The following PCDHGA4 variants were observed in gnomAD, a reference collection of about 807,000 sequenced individuals.
The protein encoded by PCDHGA4 is protocadherin gamma-A4.
PCDHGA4 carries 38 observed loss-of-function variants against 54.6 expected under a neutral mutation model. That is an observed-to-expected ratio of 0.70 (90% CI 0.54 to 0.91). The LOEUF (loss-of-function observed/expected upper bound fraction) is 0.91, where lower values mean the gene tolerates loss of function less well. Ranked by LOEUF, PCDHGA4 falls within the 40% of genes least tolerant of loss-of-function variation. The pLI, the probability that PCDHGA4 is intolerant of heterozygous loss-of-function variation, is 0.00. For missense variants in PCDHGA4, 1,298 were observed against 1,220.9 expected, an observed-to-expected ratio of 1.06 and a Z score of -0.94; for synonymous variants, 511 against 512.9, an observed-to-expected ratio of 1.00 and a Z score of 0.05.
At chr5:141,403,875 A>T in intron 1 of PCDHGA4, 1 of 1,613,816 alleles carries the variant, frequency 6.2e-7, no homozygotes, top group Non-Finnish European at 8.5e-7. Flanking sequence ...AAAAGTCTAG[A>T]TTATGAAGAA....
At chr5:141,478,563 C>G (rs1484075735) in intron 1 of PCDHGA4, 16 of 1,596,154 alleles carry the variant, frequency 1.0e-5, no homozygotes, top group African/African-American at 1.3e-5. Context: ...TTTAGCAAGT[C>G]ATGCTTGACC....
intron 1 of PCDHGA4, chr5:141,402,800 C>T: frequency 1.9e-6 from 2 of 1,072,726 alleles, no homozygotes; most frequent in African/African-American, 1.6e-5. Flanking sequence ...ACACAAAACC[C>T]GGCAGATACC....
intron 1 of PCDHGA4, among the ~76,000 whole-genome samples, chr5:141,473,033 G>A (rs1199215390): frequency 1.4e-5 from 2 of 146,282 alleles, no homozygotes. Flanking sequence ...AAGGAAGGAA[G>A]GAAAGAAAGA....
intron 1 of PCDHGA4, chr5:141,366,950 T>C: frequency 2.8e-6 from 2 of 712,110 alleles, no homozygotes; most frequent in Non-Finnish European, 4.3e-6. Context: ...CTGATATCTG[T>C]AGACTTAAGT....
At chr5:141,389,860 A>G (rs1274502656) in intron 1 of PCDHGA4, 2 of 1,614,052 alleles carry the variant, frequency 1.2e-6, no homozygotes, top group African/African-American at 2.7e-5. Flanking sequence ...GCCACGTTGC[A>G]CCTGGTCTTC....
intron 1 of PCDHGA4, among the ~76,000 whole-genome samples, chr5:141,368,609 A>T (rs917384420): frequency 1.3e-5 from 2 of 152,154 alleles, no homozygotes; most frequent in African/African-American, 4.8e-5. Context: ...AAGGTTATAG[A>T]TTTGGGTACA....
intron 1 of PCDHGA4, chr5:141,403,589 A>G (rs1447316737): frequency 1.2e-6 from 2 of 1,613,812 alleles, no homozygotes; most frequent in East Asian, 2.2e-5. Context: ...CCTGGTCCTC[A>G]CGGCCTCGGA....
At chr5:141,451,019 G>A (rs1348607593) in intron 1 of PCDHGA4, among the ~76,000 whole-genome samples, 7 of 151,274 alleles carry the variant, frequency 4.6e-5, no homozygotes, top group Admixed American at 2.0e-4. Context: ...TAGTAGAGAC[G>A]AGGTTTCACC....
intron 2 of PCDHGA4, among the ~76,000 whole-genome samples, chr5:141,501,049 A>G (rs1458722311): frequency 1.3e-5 from 2 of 151,844 alleles, no homozygotes; most frequent in African/African-American, 2.4e-5. Flanking sequence ...TTGTATTTTT[A>G]GTAGAGACGG....
Position 141,489,084 on chromosome 5 carries a change from C to T in PCDHGA4, c.2515-5723C>T, listed in dbSNP as rs1232276875. On this transcript the variant is annotated intron_variant, in intron 1 of 3. Transcript: ENST00000571252. This position sits in a 1 kb window ranked among gnomAD's most constrained non-coding sequence, Gnocchi z 4.5. ...CTCCCCCCTGCCCACCCCCGCCACTCGGTGACTAAGAACTGCTGCAAGCAG... is the reference window on the plus strand; with the variant it reads ...CTCCCCCCTGCCCACCCCCGCCACTTGGTGACTAAGAACTGCTGCAAGCAG... The T allele has an allele frequency of 1.5e-5, 5 of 329,072 alleles. No homozygotes were observed. Among genetic ancestry groups the T allele is most frequent in the South Asian group, 1.3e-4 (2 of 15,846 alleles). The allele number at this position is 329,072 out of a possible 1,614,324, so 20.4% of individuals were successfully genotyped here. A position where few individuals can be genotyped will look rare whatever the true frequency, so the allele number is the denominator to read the frequency against.
chr5:141,389,524 G>A, intron 1 of PCDHGA4: 5 of 1,613,146 alleles, frequency 3.1e-6, no homozygotes, highest in South Asian at 1.1e-5. Context: ...GTGAGCCTGC[G>A]CGTGTTAGTG....
chr5:141,410,780 A>T, intron 1 of PCDHGA4: 1 of 803,810 alleles, frequency 1.2e-6, no homozygotes. Context: ...TTCACTATGT[A>T]TTTGGTTCAT....
At chr5:141,393,989 T>G in intron 1 of PCDHGA4, 1 of 1,613,634 alleles carries the variant, frequency 6.2e-7, no homozygotes, top group Non-Finnish European at 8.5e-7. Flanking sequence ...ATTTACCTTT[T>G]AAATTAGAAA....
intron 1 of PCDHGA4, among the ~76,000 whole-genome samples, chr5:141,358,847 A>G (rs1279755498): frequency 6.6e-6 from 1 of 152,176 alleles, no homozygotes; most frequent in Non-Finnish European, 1.5e-5. Context: ...TATTGCTACA[A>G]ATTGCTTTCA....
chr5:141,486,505 T>C lies in PCDHGA4; in HGVS notation c.2515-8302T>C. The C allele has an allele frequency of 6.2e-7, 1 of 1,614,156 alleles. No individual in the cohort carries two copies. ...GTACCCACAGAACTATTTTCCTCAA[T>C]ATTTCAGATGTGAATGATAATCCAC... is the stretch of plus-strand genomic sequence containing the variant. On this transcript the variant is annotated intron_variant, in intron 1 of 3. Coordinates refer to ENST00000571252, the MANE Select transcript of PCDHGA4 (RefSeq NM_018917.4). The surrounding 1 kb of genome is among the most constrained non-coding windows in gnomAD (Gnocchi z 5.0).
At chr5:141,420,462 G>T in intron 1 of PCDHGA4, 2 of 892,618 alleles carry the variant, frequency 2.2e-6, no homozygotes. Context: ...ACTATTCAAA[G>T]ACATTTTAAA....
chr5:141,454,493 A>G (rs1328573277), intron 1 of PCDHGA4, among the ~76,000 whole-genome samples: 1 of 151,866 alleles, frequency 6.6e-6, no homozygotes, highest in Non-Finnish European at 1.5e-5. Context: ...CGCAACCTCC[A>G]CCTCCTGGAT....
At chr5:141,388,559 T>C in intron 1 of PCDHGA4, 1 of 1,613,890 alleles carries the variant, frequency 6.2e-7, no homozygotes, top group Non-Finnish European at 8.5e-7. Context: ...TAAGCAGCAC[T>C]GCACAGATAC....
intron 1 of PCDHGA4, among the ~76,000 whole-genome samples, chr5:141,368,962 C>T (rs562789740): frequency 6.6e-6 from 1 of 152,310 alleles, no homozygotes; most frequent in South Asian, 2.1e-4. Context: ...GTTTAAGATG[C>T]TATAATGCTT....
Sources: gnomAD v4.1 joint callset for allele counts (sites outside exome capture counted in the v4.1 genomes callset) on GRCh38, gnomAD v4.1.1 for gene constraint, Gnocchi (gnomAD v3.1) non-coding constraint, MANE v1.5 for transcripts, NCBI Gene and HGNC (gene_info 2026-07-23, HGNC 2026-07-21) for gene names.